The following DEFB113 variants were observed in gnomAD, a reference collection of about 807,000 sequenced individuals.
DEFB113 encodes the protein defensin beta 113.
DEFB113 carries 5 observed loss-of-function variants against 2.5 expected under a neutral mutation model. That is an observed-to-expected ratio of 1.99 (90% confidence interval 1.04 to 4.18). DEFB113 has a LOEUF of 4.18. Ranked by LOEUF, DEFB113 falls within the 30% of genes most tolerant of loss-of-function variation. The probability of loss-of-function intolerance (pLI) is 0.00; values close to 1 mark genes in which losing one functional copy is unlikely to be tolerated. For missense variants in DEFB113, 123 were observed against 96.6 expected, an observed-to-expected ratio of 1.27 and a Z score of -1.14; for synonymous variants, 42 against 31.6, an observed-to-expected ratio of 1.33 and a Z score of -1.11.
At chr6:49,968,948 G>C in intron 1 of DEFB113, 81 bp from the exon 2 acceptor site, 1 of 1,316,232 alleles carries the variant, frequency 7.6e-7, no homozygotes, top group Non-Finnish European at 1.0e-6. Flanking sequence ...AAAATGTAGA[G>C]TTAAACCATT....
In DEFB113 at chr6:49,968,856, T is replaced by C. The variant is rs770642179; in HGVS notation, c.70A>G (p.Lys24Glu). Residue 24 changes from lysine (K) to glutamate (E), a missense_variant, in exon 2 of 2, where the codon AAA (lysine) becomes GAA (glutamate). By Grantham distance (56) the Lys-to-Glu change is moderately conservative. Coordinates refer to ENST00000398718, the MANE Select transcript of DEFB113 (RefSeq NM_001037729.1). ...TTTCTCTCTGCAACTTCTCTTGTTT[T>C]TTTCTGTGGAACTAGGAAAAAGTAG... is the stretch of plus-strand genomic sequence containing the variant. ...VSCGPSVPQKKTREVAERKRE... is the reference protein window; with the variant it reads ...VSCGPSVPQKETREVAERKRE... 1 of 1,598,328 alleles carries C rather than the reference T, an allele frequency of 6.3e-7. No homozygotes were observed. Among genetic ancestry groups the C allele is most frequent in the Non-Finnish European group, 8.5e-7 (1 of 1,172,916 alleles).
rs781541928 is a variant in DEFB113, at chr6:49,969,609, A to G, written c.17T>C (p.Ile6Thr). Reference sequence around the variant, plus strand: ...CACAGTGAAGACAAAGGTCAGAAAAATACAAAGTATCTTCATTGCTGATGC... The same window carrying G: ...CACAGTGAAGACAAAGGTCAGAAAAGTACAAAGTATCTTCATTGCTGATGC... Reference protein sequence around the residue: MKILCIFLTFVFTVSC... With the variant: MKILCTFLTFVFTVSC... Residue 6 changes from isoleucine to threonine, a missense_variant, in exon 1 of 2, where the codon ATT (isoleucine) becomes ACT (threonine). Coordinates refer to ENST00000398718, the MANE Select transcript of DEFB113 (RefSeq NM_001037729.1). 6.8e-6 allele frequency: 11 copies of G among 1,606,666 alleles called. No homozygotes were observed. The East Asian group carries it at 2.5e-4, about 36-fold the overall frequency.
Position 49,968,697 on chromosome 6 carries a change from T to C in DEFB113, c.229A>G (p.Ser77Gly). 1 of 1,501,350 alleles carries C rather than the reference T, an allele frequency of 6.7e-7. No homozygotes were observed. Among genetic ancestry groups the C allele is most frequent in the Non-Finnish European group, 8.9e-7 (1 of 1,121,336 alleles). The allele number at this position is 1,501,350 out of a possible 1,614,324, so 93.0% of individuals were successfully genotyped here. A position where few individuals can be genotyped will look rare whatever the true frequency, so the allele number is the denominator to read the frequency against. Residue 77 changes from serine to glycine, a missense_variant, in exon 2 of 2, where the codon AGT (serine) becomes GGT (glycine). Ser to Gly is a moderately conservative substitution (Grantham distance 56). Transcript: ENST00000398718. ...YQKPIINKITSKLHQK is the reference protein window; with the variant it reads ...YQKPIINKITGKLHQK ...ATAATTTATTTTTGATGGAGTTTAC[T>C]AGTGATTTTGTTAATGATTGGCTTT... is the stretch of plus-strand genomic sequence containing the variant.
chr6:49,968,903 T>C (rs1378476550), intron 1 of DEFB113, 36 bp from the exon 2 acceptor site: 1 of 1,559,848 alleles, frequency 6.4e-7, no homozygotes, highest in Non-Finnish European at 8.7e-7. Flanking sequence ...AGTCCAGATT[T>C]AATATCCTTA....
At chr6:49,969,155 C>T (rs758594449) in intron 1 of DEFB113, among the ~76,000 whole-genome samples, 26 of 151,038 alleles carry the variant, frequency 1.7e-4, no homozygotes, top group Non-Finnish European at 8.9e-5. Flanking sequence ...GAAGAAATAG[C>T]CTACATGTTC....
Position 49,969,595 on chromosome 6 carries a change from CA to C in DEFB113, c.30del (p.Phe10LeufsTer?). 6.2e-7 allele frequency: 1 copy of C among 1,606,686 alleles called. No individual in the cohort carries two copies. The highest frequency in any genetic ancestry group is 8.5e-7 in the Non-Finnish European group (1 of 1,175,260). Reference protein sequence around the residue: MKILCIFLTFVFTVSCGPSV... With the variant: MKILCIFLTXVFTVSCGPSV... ...GATGGACCACAAGACACAGTGAAGACAAAGGTCAGAAAAATACAAAGTATCT... is the reference window on the plus strand; with the variant it reads ...GATGGACCACAAGACACAGTGAAGACAAGGTCAGAAAAATACAAAGTATCT... On this transcript the variant is annotated frameshift_variant, in exon 1 of 2. Coordinates refer to ENST00000398718, the MANE Select transcript of DEFB113 (RefSeq NM_001037729.1). LOFTEE classifies it low-confidence loss of function (END_TRUNC).
In DEFB113 at chr6:49,969,565, T is replaced by TA. The variant is rs1439180646; in HGVS notation, c.58+2dup. 19 of 1,594,936 alleles carry TA rather than the reference T, an allele frequency of 1.2e-5. No homozygotes were observed. The highest frequency in any genetic ancestry group is 1.6e-5 in the Non-Finnish European group (19 of 1,166,338). On this transcript the variant is annotated splice_region_variant and intron_variant, in intron 1 of 1. Coordinates refer to ENST00000398718, the MANE Select transcript of DEFB113 (RefSeq NM_001037729.1). Reference sequence around the variant, plus strand: ...ACATCTTTTTTATAATAACAAATATTACCTGATGGACCACAAGACACAGTG... The same window carrying TA: ...ACATCTTTTTTATAATAACAAATATTAACCTGATGGACCACAAGACACAGTG...
rs1409381948 is a variant in DEFB113 at position 49,968,782 on chromosome 6, G to A, written c.144C>T (p.Ser48=). The A allele has an allele frequency of 1.9e-6, 3 of 1,604,626 alleles. No individual in the cohort carries two copies. The highest frequency in any genetic ancestry group is 1.7e-5 in the Admixed American group (1 of 58,876). The part of the protein sequence containing the change: ...VRGACKPECN[S]WEYVYYYCNV... ...TGCAGTAATAATATACATATTCCCA[G>A]CTGTTGCATTCCGGCTTGCAAGCAC... is the stretch of plus-strand genomic sequence containing the variant. Residue 48 remains serine (S), a synonymous_variant, in exon 2 of 2, where the codon AGC becomes AGT. Transcript: ENST00000398718.
intron 1 of DEFB113, 122 bp downstream of exon 1, chr6:49,969,446 G>C (rs1312779589): frequency 1.7e-6 from 1 of 594,702 alleles, no homozygotes; most frequent in African/African-American, 1.9e-5. Flanking sequence ...AGAGAAAATT[G>C]CCTTATAAGG....
intron 1 of DEFB113, 24 bp downstream of exon 1, chr6:49,969,544 C>A (rs72864842): frequency 0.059 from 91,541 of 1,552,024 alleles, 3,126 homozygotes; most frequent in Middle Eastern, 0.08. Flanking sequence ...CCTTTCACAT[C>A]TTTTTTATAA....
chr6:49,968,687 T>C lies in DEFB113; in HGVS notation c.239A>G (p.His80Arg). ...TTTTATAATTATAATTTATTTTTGA[T>C]GGAGTTTACTAGTGATTTTGTTAAT... ...PIINKITSKL[H>R]QK is the part of the protein sequence containing the mutation. The change falls in exon 2 of 2, where the codon CAT becomes CGT. Residue 80 changes from histidine to arginine, a missense_variant. By Grantham distance (29) the His-to-Arg change is conservative. Transcript: ENST00000398718. 6.8e-7 allele frequency: 1 copy of C among 1,467,186 alleles called. No individual in the cohort carries two copies. The allele number at this position is 1,467,186 out of a possible 1,614,324, so 90.9% of individuals were successfully genotyped here.
At chr6:49,969,547 T>C in intron 1 of DEFB113, 21 bp downstream of exon 1, 1 of 1,565,648 alleles carries the variant, frequency 6.4e-7, no homozygotes, top group Non-Finnish European at 8.7e-7. Context: ...TTCACATCTT[T>C]TTTATAATAA....
chr6:49,969,534 C>T (rs1401098252), intron 1 of DEFB113, 34 bp downstream of exon 1: 2 of 1,452,536 alleles, frequency 1.4e-6, no homozygotes, highest in South Asian at 1.2e-5. Flanking sequence ...GAACATTTTG[C>T]CTTTCACATC....
In DEFB113 at chr6:49,968,796, G is replaced by C. The variant is rs377587500; in HGVS notation, c.130C>G (p.Pro44Ala). Residue 44 changes from proline (P) to alanine (A), a missense_variant, in exon 2 of 2, where the codon CCG (proline) becomes GCG (alanine). Pro to Ala is a conservative substitution (Grantham distance 27). Coordinates refer to ENST00000398718, the MANE Select transcript of DEFB113 (RefSeq NM_001037729.1). The stretch of plus-strand genomic sequence containing the variant: ...ACATATTCCCAGCTGTTGCATTCCG[G>C]CTTGCAAGCACCACGAACAAGCTGA... ...ECQLVRGACK[P>A]ECNSWEYVYY... 6.2e-7 allele frequency: 1 copy of C among 1,604,354 alleles called. No individual in the cohort carries two copies. Among genetic ancestry groups the C allele is most frequent in the East Asian group, 2.3e-5 (1 of 44,388 alleles).
In DEFB113 at chr6:49,968,790, A is replaced by G. The variant is rs958464994; in HGVS notation, c.136T>C (p.Cys46Arg). The change falls in exon 2 of 2, where the codon TGC (cysteine) becomes CGC (arginine). Residue 46 changes from cysteine (C) to arginine (R), a missense_variant. Cys to Arg is a radical substitution (Grantham distance 180). Coordinates refer to ENST00000398718, the MANE Select transcript of DEFB113 (RefSeq NM_001037729.1). Reference protein sequence around the residue: ...QLVRGACKPECNSWEYVYYYC... With the variant: ...QLVRGACKPERNSWEYVYYYC... ...TAATATACATATTCCCAGCTGTTGC[A>G]TTCCGGCTTGCAAGCACCACGAACA... 1.2e-6 allele frequency: 2 copies of G among 1,605,624 alleles called. No homozygotes were observed. Among genetic ancestry groups the G allele is most frequent in the Non-Finnish European group, 1.7e-6 (2 of 1,175,764 alleles).
intron 1 of DEFB113, 67 bp from the exon 2 acceptor site, chr6:49,968,934 C>T: frequency 4.2e-6 from 6 of 1,417,632 alleles, no homozygotes; most frequent in Non-Finnish European, 5.6e-6. Context: ...TGAATAAACT[C>T]TTTAAAATGT....
In DEFB113 at chr6:49,968,748, G is replaced by C; in HGVS notation, c.178C>G (p.Pro60Ala). The C allele has an allele frequency of 6.3e-7, 1 of 1,589,152 alleles. No homozygotes were observed. The highest frequency in any genetic ancestry group is 8.6e-7 in the Non-Finnish European group (1 of 1,166,998). ...TGGTATTCCCATACCGCACAGCAGG[G>C]GTTAACATTGCAGTAATAATATACA... ...EYVYYYCNVNPCCAVWEYQKP... is the reference protein window; with the variant it reads ...EYVYYYCNVNACCAVWEYQKP... The change falls in exon 2 of 2, where the codon CCC becomes GCC. Residue 60 changes from proline to alanine, a missense_variant. Transcript: ENST00000398718.
chr6:49,969,034 C>T (rs527500237), intron 1 of DEFB113, among the ~76,000 whole-genome samples, 167 bp from the exon 2 acceptor site: 107 of 151,276 alleles, frequency 7.1e-4, no homozygotes, highest in African/African-American at 2.5e-3. Flanking sequence ...ACTTATTTAT[C>T]TAACAATATT....
At chr6:49,969,244 A>C (rs1773595400) in intron 1 of DEFB113, among the ~76,000 whole-genome samples, 2 of 151,076 alleles carry the variant, frequency 1.3e-5, no homozygotes, top group South Asian at 4.1e-4. Flanking sequence ...TAAAAAGCTT[A>C]ATTTTGATGG....
Sources: gnomAD v4.1 joint callset for allele counts (sites outside exome capture counted in the v4.1 genomes callset) on GRCh38, gnomAD v4.1.1 for gene constraint, MANE v1.5 for transcripts, NCBI Gene and HGNC (gene_info 2026-07-23, HGNC 2026-07-21) for gene names.